The following SV2C variants were observed in gnomAD, a reference collection of about 807,000 sequenced individuals.
The protein encoded by SV2C is synaptic vesicle glycoprotein 2C.
Under a neutral mutation model 79.7 loss-of-function variants are expected in SV2C, and 49 were observed. The ratio of observed to expected loss-of-function variants is 0.61; its 90% CI spans 0.49 to 0.78. The LOEUF (loss-of-function observed/expected upper bound fraction) is 0.78. SV2C is among the 30% of genes least tolerant of loss of function. The pLI is 0.00. For missense variants in SV2C, 833 were observed against 912.9 expected (o/e 0.91, Z 1.13); for synonymous variants, 334 against 333.2 (o/e 1.00, Z -0.03).
chr5:76,270,032 G>A (rs55896719), intron 4 of SV2C, among the ~76,000 whole-genome samples: 7 of 152,066 alleles, frequency 4.6e-5, no homozygotes, highest in Non-Finnish European at 1.0e-4. Context: ...CTGGGTAGTT[G>A]CCTGACATTT....
chr5:75,912,327 CA>C, the SV2C span, among the ~76,000 whole-genome samples: 3 of 151,348 alleles, frequency 2.0e-5, no homozygotes, highest in Non-Finnish European at 4.4e-5. Context: ...CTGATTCTGA[CA>C]AAAAAAATAC....
At chr5:76,043,692 A>G in the SV2C span, among the ~76,000 whole-genome samples, 1 of 152,224 alleles carries the variant, frequency 6.6e-6, no homozygotes, top group Non-Finnish European at 1.5e-5. Context: ...CACAGAGTGT[A>G]TAACTTTAAT....
Position 76,131,757 on chromosome 5 carries a change from G to A in SV2C, c.7G>A (p.Asp3Asn), listed in dbSNP as rs1055013779. ...GGCCATCAGTTGAGATAAGATGGAAGACTCTTACAAGGATAGGACTTCACT... is the reference window on the plus strand; with the variant it reads ...GGCCATCAGTTGAGATAAGATGGAAAACTCTTACAAGGATAGGACTTCACT... The part of the protein sequence containing the change: ME[D>N]SYKDRTSLMK... The change falls in exon 2 of 13, where the codon GAC becomes AAC. Residue 3 changes from aspartate (D) to asparagine (N), a missense_variant. Transcript: ENST00000502798. The A allele has an allele frequency of 6.3e-7, 1 of 1,598,002 alleles. No homozygotes were observed. The highest frequency in any genetic ancestry group is 8.5e-7 in the Non-Finnish European group (1 of 1,170,464).
At chr5:75,885,534 T>C in the SV2C span, among the ~76,000 whole-genome samples, 5 of 151,960 alleles carry the variant, frequency 3.3e-5, no homozygotes, top group East Asian at 5.8e-4. Flanking sequence ...GCAAGAAAAA[T>C]CAATTTAAGC....
the SV2C span, among the ~76,000 whole-genome samples, chr5:76,064,560 T>A: frequency 6.6e-6 from 1 of 152,166 alleles, no homozygotes; most frequent in Non-Finnish European, 1.5e-5. Context: ...TAAAGCCTTC[T>A]CTTTGTGGGG....
chr5:75,992,655 T>G, the SV2C span, among the ~76,000 whole-genome samples: 2 of 152,038 alleles, frequency 1.3e-5, no homozygotes, highest in African/African-American at 2.4e-5. Flanking sequence ...TGTGTAGCTA[T>G]TTTGCCTCCT....
At chr5:76,231,559 G>A (rs986862226) in intron 4 of SV2C, among the ~76,000 whole-genome samples, 15 of 148,086 alleles carry the variant, frequency 1.0e-4, no homozygotes, top group South Asian at 6.3e-4. Flanking sequence ...CTAGCATTAG[G>A]TATATCTCCC....
At chr5:76,105,589 G>T (rs1314588388) in intron 1 of SV2C, among the ~76,000 whole-genome samples, 1 of 152,062 alleles carries the variant, frequency 6.6e-6, no homozygotes, top group Admixed American at 6.6e-5. Flanking sequence ...AGAGGTTATA[G>T]TTTTTCTTCC....
chr5:75,859,684 C>CG, the SV2C span, among the ~76,000 whole-genome samples: 4 of 152,022 alleles, frequency 2.6e-5, no homozygotes, highest in Admixed American at 6.5e-5. Context: ...ACAGGTTGCT[C>CG]GGGGAAATAA....
At chr5:76,185,126 A>G (rs937657260) in intron 2 of SV2C, among the ~76,000 whole-genome samples, 7 of 152,234 alleles carry the variant, frequency 4.6e-5, no homozygotes, top group African/African-American at 1.2e-4. Context: ...AAACCTTAAC[A>G]TTCCAAAATG....
chr5:76,034,042 CTCTGTTTG>C, the SV2C span, among the ~76,000 whole-genome samples: 3 of 118,992 alleles, frequency 2.5e-5, no homozygotes, highest in East Asian at 2.1e-4. Flanking sequence ...TGATTTGGCT[CTCTGTTTG>C]TCTGTTTTTG....
chr5:75,926,205 C>T, the SV2C span, among the ~76,000 whole-genome samples: 9 of 151,984 alleles, frequency 5.9e-5, no homozygotes, highest in South Asian at 1.9e-3. Flanking sequence ...CCAAGGCTTA[C>T]CCAAACTCTC....
chr5:76,152,604 G>C (rs1749637304), intron 2 of SV2C, among the ~76,000 whole-genome samples: 1 of 152,192 alleles, frequency 6.6e-6, no homozygotes, highest in Non-Finnish European at 1.5e-5. Flanking sequence ...TAGTCAAATA[G>C]CAATTATAAT....
intron 1 of SV2C, among the ~76,000 whole-genome samples, chr5:76,085,217 C>T (rs180702179): frequency 2.7e-3 from 406 of 152,294 alleles, no homozygotes; most frequent in Middle Eastern, 6.8e-3. Flanking sequence ...TGTTGAGGTT[C>T]GTGAGGTTCT....
chr5:76,152,914 A>AT (rs1378827980), intron 2 of SV2C, among the ~76,000 whole-genome samples: 1 of 152,130 alleles, frequency 6.6e-6, no homozygotes, highest in South Asian at 2.1e-4. Context: ...CATGGATCAT[A>AT]TTTTTTCTGC....
intron 12 of SV2C, among the ~76,000 whole-genome samples, chr5:76,318,306 T>C (rs1054095107): frequency 4.6e-5 from 7 of 151,938 alleles, no homozygotes; most frequent in African/African-American, 1.7e-4. Flanking sequence ...TAATCCCAGC[T>C]ACTTGGGAGG....
At chr5:76,138,006 G>T (rs191953216) in intron 2 of SV2C, among the ~76,000 whole-genome samples, 10 of 152,328 alleles carry the variant, frequency 6.6e-5, no homozygotes, top group African/African-American at 1.4e-4. Context: ...AGTGTTACAG[G>T]TTCAGTGTTT....
intron 4 of SV2C, among the ~76,000 whole-genome samples, chr5:76,264,276 C>T (rs1746574819): frequency 6.6e-6 from 1 of 151,910 alleles, no homozygotes; most frequent in South Asian, 2.1e-4. Context: ...TGTTTTTCAG[C>T]TCCAACAGGC....
the SV2C span, among the ~76,000 whole-genome samples, chr5:75,897,812 T>G: frequency 1.3e-5 from 2 of 152,020 alleles, no homozygotes; most frequent in Non-Finnish European, 2.9e-5. Flanking sequence ...TCCTAGGTAT[T>G]TTATTCTCTT....
Sources: allele counts gnomAD v4.1 joint callset (sites outside exome capture counted in the v4.1 genomes callset), GRCh38; gene constraint gnomAD v4.1.1; transcripts MANE v1.5; gene names NCBI Gene and HGNC (gene_info 2026-07-23, HGNC 2026-07-21).